SIAE: variants seen among roughly 807,000 people sequenced by gnomAD.
SIAE encodes the protein sialic acid acetylesterase, also known as sialate O-acetylesterase.
SIAE carries 39 observed loss-of-function variants against 52.6 expected under a neutral mutation model. That is an observed-to-expected ratio of 0.74 (90% CI 0.57 to 0.97). SIAE has a LOEUF of 0.97. Among genes scored for constraint, SIAE ranks in the 50% least tolerant of loss-of-function variants. The pLI is 0.00. For missense variants in SIAE, 592 were observed against 662.1 expected (o/e 0.89, Z 1.16); for synonymous variants, 233 against 241.4 (o/e 0.97, Z 0.32).
At chr11:124,641,076 C>T (rs1437128382) in intron 7 of SIAE, among the ~76,000 whole-genome samples, 2 of 151,436 alleles carry the variant, frequency 1.3e-5, no homozygotes, top group African/African-American at 4.9e-5. Flanking sequence ...GGTACAAGTA[C>T]TTTACAGCTT....
intron 3 of SIAE, among the ~76,000 whole-genome samples, chr11:124,656,690 ATT>A (rs1342464899): frequency 1.3e-5 from 2 of 151,918 alleles, no homozygotes; most frequent in African/African-American, 2.4e-5. Context: ...TATCAGAAAT[ATT>A]TTGTTTTTGT....
chr11:124,644,514 G>A (rs1334321367), intron 7 of SIAE, among the ~76,000 whole-genome samples: 7 of 152,068 alleles, frequency 4.6e-5, no homozygotes, highest in Non-Finnish European at 1.0e-4. Flanking sequence ...CGCCACATGG[G>A]GGCACCGGCG....
At chr11:124,649,542 C>G in intron 5 of SIAE, 77 bp downstream of exon 5, 1 of 1,495,412 alleles carries the variant, frequency 6.7e-7, no homozygotes, top group Non-Finnish European at 9.3e-7. Context: ...TACTTAACTC[C>G]CCACAGAGGA....
At chr11:124,637,258 CTG>C (rs1001229741) in intron 9 of SIAE, 56 bp from the exon 10 acceptor site, 22 of 1,609,542 alleles carry the variant, frequency 1.4e-5, no homozygotes, top group Non-Finnish European at 1.8e-5. Flanking sequence ...TTCCAAGAAA[CTG>C]GGCACTGCTC....
chr11:124,665,080 C>T (rs1050689920), intron 2 of SIAE, among the ~76,000 whole-genome samples: 2 of 152,174 alleles, frequency 1.3e-5, no homozygotes, highest in African/African-American at 4.8e-5. Context: ...GCTTTTGTAT[C>T]AATAAAACTG....
At chr11:124,667,504 G>A (rs1943289594) in intron 2 of SIAE, among the ~76,000 whole-genome samples, 1 of 152,184 alleles carries the variant, frequency 6.6e-6, no homozygotes, top group Non-Finnish European at 1.5e-5. Context: ...GACTGCATCA[G>A]GGTCTGGATC....
chr11:124,633,827 A>C lies in SIAE; in HGVS notation c.*3124T>G, dbSNP rs1426800138. ...AGAAATGATATATGCTGCTTTTATC[A>C]TATAACAAATATTTTCCCACTATTA... On this transcript the variant is annotated 3_prime_UTR_variant, in exon 10 of 10. Transcript: ENST00000263593. 1 of 152,238 alleles carries C rather than the reference A, an allele frequency of 6.6e-6. No homozygotes were observed. The highest frequency in any genetic ancestry group is 2.4e-5 in the African/African-American group (1 of 41,466). 9.4% of individuals were successfully genotyped at this position (152,238 alleles called of 1,614,324 possible). A position where few individuals can be genotyped will look rare whatever the true frequency, so the allele number is the denominator to read the frequency against.
intron 7 of SIAE, among the ~76,000 whole-genome samples, chr11:124,640,247 C>T (rs1250086956): frequency 6.6e-6 from 1 of 152,210 alleles, no homozygotes; most frequent in Non-Finnish European, 1.5e-5. Context: ...GTCATGTAAA[C>T]ACCATCCAGT....
chr11:124,668,326 G>A (rs1943300749), intron 2 of SIAE, among the ~76,000 whole-genome samples: 1 of 152,150 alleles, frequency 6.6e-6, no homozygotes, highest in Non-Finnish European at 1.5e-5. Context: ...ATCGCACCTT[G>A]TTCTTCCTCA....
rs763018788 is a variant in SIAE at position 124,634,668 on chromosome 11, T to C, written c.*2283A>G. On this transcript the variant is annotated 3_prime_UTR_variant, in exon 10 of 10. Transcript: ENST00000263593. ...AAATTGTTAAAAATCTATATGTCCA[T>C]TAATAGGAAATTGGTTAAATAAAAT... is the stretch of plus-strand genomic sequence containing the variant. 3.9e-5 allele frequency: 6 copies of C among 152,200 alleles called. No individual in the cohort carries two copies. Among genetic ancestry groups the C allele is most frequent in the Non-Finnish European group, 7.3e-5 (5 of 68,040 alleles). 9.4% of individuals were successfully genotyped at this position (152,200 alleles called of 1,614,324 possible).
At chr11:124,675,301 C>T, upstream of SIAE, 1 of 1,614,108 alleles carries the variant, frequency 6.2e-7, no homozygotes, top group Non-Finnish European at 8.5e-7. Context: ...CTACCGAATT[C>T]CACAAGGATT....
At position 124,645,865 on chromosome 11, in the gene SIAE, A is replaced by G. The variant is rs570542833; in HGVS notation, c.966+1500T>C. Reference sequence around the variant, plus strand: ...GCAGGAAAGAAGAAAGAAAATAATCATAAAGGCATTTTAAGTGAGAAGGTC... The same window carrying G: ...GCAGGAAAGAAGAAAGAAAATAATCGTAAAGGCATTTTAAGTGAGAAGGTC... On this transcript the variant is annotated intron_variant, in intron 7 of 9. Coordinates refer to ENST00000263593, the MANE Select transcript of SIAE (RefSeq NM_170601.5). This position sits in a 1 kb window ranked among gnomAD's most constrained non-coding sequence, Gnocchi z 4.7. Among the ~76,000 whole-genome samples, 3 of 152,320 alleles carry G rather than the reference A, an allele frequency of 2.0e-5. No individual in the cohort carries two copies. Among genetic ancestry groups the G allele is most frequent in the Non-Finnish European group, 4.4e-5 (3 of 68,030 alleles).
At chr11:124,651,237 T>C (rs116989047) in intron 4 of SIAE, among the ~76,000 whole-genome samples, 2,962 of 151,960 alleles carry the variant, frequency 0.019, 51 homozygotes, top group Non-Finnish European at 0.027. Context: ...TCCTCATAGG[T>C]CTATTAGTTG....
At position 124,634,286 on chromosome 11, in the gene SIAE, G is replaced by T; in HGVS notation, c.*2665C>A. The T allele has an allele frequency of 6.6e-6, 1 of 152,480 alleles. No individual in the cohort carries two copies. Among genetic ancestry groups the T allele is most frequent in the Non-Finnish European group, 1.5e-5 (1 of 68,176 alleles). The allele number at this position is 152,480 out of a possible 1,614,324, so 9.4% of individuals were successfully genotyped here. A position where few individuals can be genotyped will look rare whatever the true frequency, so the allele number is the denominator to read the frequency against. On this transcript the variant is annotated 3_prime_UTR_variant, in exon 10 of 10. Coordinates refer to ENST00000263593, the MANE Select transcript of SIAE (RefSeq NM_170601.5). ...GGAGGCAGAGGTTGCAGTGAGCCGA[G>T]ACCGCGCCACTGCACTCCAGCCTGG...
At chr11:124,641,017 T>A (rs1015759731) in intron 7 of SIAE, among the ~76,000 whole-genome samples, 1 of 152,128 alleles carries the variant, frequency 6.6e-6, no homozygotes, top group African/African-American at 2.4e-5. Context: ...AGAAAGGCTA[T>A]TTTAGGCCGG....
intron 7 of SIAE, among the ~76,000 whole-genome samples, chr11:124,646,824 G>T (rs181788330): frequency 9.8e-4 from 149 of 152,134 alleles, no homozygotes; most frequent in Non-Finnish European, 1.3e-3. Flanking sequence ...TAAAACAACC[G>T]AAATGCCCAA....
At chr11:124,654,610 G>T in intron 4 of SIAE, 45 bp downstream of exon 4, 1 of 1,613,654 alleles carries the variant, frequency 6.2e-7, no homozygotes, top group Non-Finnish European at 8.5e-7. Flanking sequence ...CACTTAGGGC[G>T]CTAACCCATT....
At chr11:124,652,470 G>A (rs1380465998) in intron 4 of SIAE, among the ~76,000 whole-genome samples, 1 of 152,066 alleles carries the variant, frequency 6.6e-6, no homozygotes, top group Non-Finnish European at 1.5e-5. Flanking sequence ...GGCAGATCAT[G>A]GATCACTTGA....
At position 124,637,107 on chromosome 11, in the gene SIAE, A is replaced by C; in HGVS notation, c.1416T>G (p.His472Gln). The C allele has an allele frequency of 6.2e-7, 1 of 1,614,204 alleles. No individual in the cohort carries two copies. ...QSLTLAIDSC[H>Q]GTVVALRYAW... ...CATAGCGGAGAGCAACCACAGTGCC[A>C]TGACAAGAATCGATCGCCAGGGTCA... Residue 472 changes from histidine (H) to glutamine (Q), a missense_variant, in exon 10 of 10, where the codon CAT (histidine) becomes CAG (glutamine). His to Gln is a conservative substitution (Grantham distance 24). Coordinates refer to ENST00000263593, the MANE Select transcript of SIAE (RefSeq NM_170601.5).
Sources: gnomAD v4.1 joint callset for allele counts (sites outside exome capture counted in the v4.1 genomes callset) on GRCh38, gnomAD v4.1.1 for gene constraint, Gnocchi (gnomAD v3.1) non-coding constraint, MANE v1.5 for transcripts, NCBI Gene and HGNC (gene_info 2026-07-23, HGNC 2026-07-21) for gene names.